Variants in DGKB observed in about 807,000 individuals in gnomAD.
The protein encoded by DGKB is 90 kDa diacylglycerol kinase.
DGKB carries 67 observed loss-of-function variants against 114.3 expected under a neutral mutation model. The observed-to-expected ratio is 0.59, with a 90% CI of 0.48 to 0.72. The LOEUF (loss-of-function observed/expected upper bound fraction) is 0.72. Among genes scored for constraint, DGKB ranks in the 30% least tolerant of loss-of-function variants. The probability of loss-of-function intolerance (pLI) is 0.00; values close to 1 mark genes in which losing one functional copy is unlikely to be tolerated. For synonymous variants in DGKB, 398 were observed against 323.1 expected (o/e 1.23, Z -2.49); for missense variants, 907 against 975.2 (o/e 0.93, Z 0.93).
intron 1 of DGKB, among the ~76,000 whole-genome samples, chr7:14,845,027 G>T (rs1438435188): frequency 2.7e-5 from 4 of 146,154 alleles, no homozygotes; most frequent in Admixed American, 1.4e-4. Context: ...GGATTGCATG[G>T]GCCCAGGAGG....
chr7:14,841,284 T>A lies in DGKB; in HGVS notation c.-21A>T. 1 of 1,610,326 alleles carries A rather than the reference T, an allele frequency of 6.2e-7. No individual in the cohort carries two copies. The highest frequency in any genetic ancestry group is 8.5e-7 in the Non-Finnish European group (1 of 1,177,344). On this transcript the variant is annotated 5_prime_UTR_variant, in exon 2 of 26. The change abolishes the stop of an existing upstream ORF in the 5' untranslated region. Coordinates refer to ENST00000402815, the MANE Select transcript of DGKB (RefSeq NM_001350709.2). ...GTCATGGTGGTGGTGAGAAGCTCTG[T>A]CACATACCAGGTAAAAGATTCTTTA...
intron 9 of DGKB, among the ~76,000 whole-genome samples, chr7:14,692,143 T>A (rs918754082): frequency 1.3e-5 from 2 of 151,828 alleles, no homozygotes; most frequent in Non-Finnish European, 2.9e-5. Flanking sequence ...TATTTATAAA[T>A]TAAATAATAA....
chr7:14,338,118 A>G (rs1466893239), intron 23 of DGKB, among the ~76,000 whole-genome samples: 2 of 152,152 alleles, frequency 1.3e-5, no homozygotes, highest in African/African-American at 4.8e-5. Context: ...TGACCAAAGC[A>G]GAAAAAGAAC....
rs1781652059 is a variant in DGKB at position 14,147,904 on chromosome 7, T to TAAAC, written c.*1223_*1226dup. 1 of 152,250 alleles carries TAAAC rather than the reference T, an allele frequency of 6.6e-6. No homozygotes were observed. Among genetic ancestry groups the TAAAC allele is most frequent in the African/African-American group, 2.4e-5 (1 of 41,534 alleles). The allele number at this position is 152,250 out of a possible 1,614,324, so 9.4% of individuals were successfully genotyped here. The stretch of plus-strand genomic sequence containing the variant: ...AGTGATCTAGGCTGTTGTTTCCAAA[T>TAAAC]AAACATTTGAAATGTCATAAAGATG... On this transcript the variant is annotated 3_prime_UTR_variant, in exon 26 of 26. Transcript: ENST00000402815.
intron 23 of DGKB, among the ~76,000 whole-genome samples, chr7:14,307,799 G>A (rs952642106): frequency 2.0e-5 from 3 of 152,026 alleles, no homozygotes; most frequent in African/African-American, 4.8e-5. Context: ...GAATCATAAT[G>A]TCTTAGTCAA....
At chr7:14,517,201 T>C (rs899838765) in intron 20 of DGKB, among the ~76,000 whole-genome samples, 4 of 152,090 alleles carry the variant, frequency 2.6e-5, no homozygotes, top group African/African-American at 7.2e-5. Context: ...AAACAAGCGA[T>C]AGGGAAAGAA....
chr7:14,184,155 C>G (rs946948449), intron 23 of DGKB, among the ~76,000 whole-genome samples: 8 of 152,204 alleles, frequency 5.3e-5, no homozygotes, highest in Non-Finnish European at 1.0e-4. Flanking sequence ...AGTCCCCTAA[C>G]TGGCCGTTCC....
intron 1 of DGKB, among the ~76,000 whole-genome samples, chr7:14,946,328 A>C (rs77283082): frequency 0.037 from 5,664 of 151,694 alleles, 322 homozygotes; most frequent in African/African-American, 0.12. Flanking sequence ...CCAAGGCTTG[A>C]AGAGAAAATG....
intron 1 of DGKB, among the ~76,000 whole-genome samples, chr7:14,937,352 T>G (rs1785327308): frequency 6.6e-6 from 1 of 152,054 alleles, no homozygotes; most frequent in Non-Finnish European, 1.5e-5. Flanking sequence ...ATATCTATAT[T>G]TACAAGAATC....
At chr7:14,819,676 C>T (rs576127464) in intron 2 of DGKB, among the ~76,000 whole-genome samples, 8 of 152,134 alleles carry the variant, frequency 5.3e-5, no homozygotes, top group East Asian at 1.9e-4. Flanking sequence ...CCACATTTTA[C>T]GAATGAAAAA....
chr7:14,505,310 C>G (rs888143611), intron 20 of DGKB, among the ~76,000 whole-genome samples: 1 of 151,992 alleles, frequency 6.6e-6, no homozygotes. Context: ...CAAAAATTAG[C>G]TGGGCGTGTT....
chr7:14,953,478 T>G (rs1786322447), intron 1 of DGKB, among the ~76,000 whole-genome samples: 1 of 151,922 alleles, frequency 6.6e-6, no homozygotes, highest in Non-Finnish European at 1.5e-5. Context: ...ATCAGGAAAA[T>G]GCAAATCAAA....
At chr7:14,771,381 T>A (rs1837380828) in intron 2 of DGKB, among the ~76,000 whole-genome samples, 1 of 152,122 alleles carries the variant, frequency 6.6e-6, no homozygotes, top group African/African-American at 2.4e-5. Flanking sequence ...ATCTCGTTAT[T>A]GGGCGGCAAG....
At chr7:14,366,484 G>A (rs940116564) in intron 21 of DGKB, among the ~76,000 whole-genome samples, 2 of 152,126 alleles carry the variant, frequency 1.3e-5, no homozygotes, top group African/African-American at 4.8e-5. Context: ...GAATGTGTTG[G>A]CATTTGACCT....
At chr7:14,628,853 T>C (rs1236422196) in intron 14 of DGKB, among the ~76,000 whole-genome samples, 1 of 152,072 alleles carries the variant, frequency 6.6e-6, no homozygotes, top group East Asian at 1.9e-4. Context: ...TTTAAGTTAA[T>C]GTAAACCAAT....
At chr7:14,408,111 GA>G (rs1425256482) in intron 21 of DGKB, among the ~76,000 whole-genome samples, 1 of 152,074 alleles carries the variant, frequency 6.6e-6, no homozygotes, top group Admixed American at 6.6e-5. Context: ...CAGTTATGAA[GA>G]AAAAACATGG....
intron 21 of DGKB, among the ~76,000 whole-genome samples, chr7:14,415,422 C>A (rs975367673): frequency 6.6e-6 from 1 of 150,990 alleles, no homozygotes; most frequent in African/African-American, 2.4e-5. Flanking sequence ...CCTCCCCACT[C>A]CCCCCACCCC....
chr7:14,916,926 A>C (rs535836123), intron 1 of DGKB, among the ~76,000 whole-genome samples: 1 of 152,092 alleles, frequency 6.6e-6, no homozygotes, highest in African/African-American at 2.4e-5. Context: ...AAGAGGTTAT[A>C]AGTCAAGCAA....
intron 20 of DGKB, among the ~76,000 whole-genome samples, chr7:14,557,726 A>T (rs542130452): frequency 3.0e-4 from 45 of 151,650 alleles, no homozygotes; most frequent in South Asian, 2.5e-3. Flanking sequence ...ATTTTACCTA[A>T]AAAAAAATTT....
Sources: allele counts gnomAD v4.1 joint callset (sites outside exome capture counted in the v4.1 genomes callset), GRCh38; gene constraint gnomAD v4.1.1; transcripts MANE v1.5; gene names NCBI Gene and HGNC (gene_info 2026-07-23, HGNC 2026-07-21).